The following IKZF5 variants were observed in gnomAD, a reference collection of about 807,000 sequenced individuals.
The protein encoded by IKZF5 is zinc finger protein Pegasus.
In IKZF5, 4 loss-of-function variants were observed where a neutral mutation model predicts 30.7. The ratio of observed to expected loss-of-function variants is 0.13; its 90% confidence interval spans 0.06 to 0.30. The LOEUF (loss-of-function observed/expected upper bound fraction) is 0.30, where lower values mean the gene tolerates loss of function less well. Ranked by LOEUF, IKZF5 falls within the 10% of genes least tolerant of loss-of-function variation. IKZF5 has a pLI of 1.00. For missense variants in IKZF5, 348 were observed against 525.5 expected, an observed-to-expected ratio of 0.66 and a Z score of 3.30; for synonymous variants, 148 against 179.6, an observed-to-expected ratio of 0.82 and a Z score of 1.41.
Position 122,991,814 on chromosome 10 carries a change from T to C in IKZF5, c.*1966A>G, listed in dbSNP as rs892308497. ...TTAAAATGCACCTTCACAACATCCA[T>C]GGTCAGTTGTTAGAAAAAAATGCAT... is the stretch of plus-strand genomic sequence containing the variant. On this transcript the variant is annotated 3_prime_UTR_variant, in exon 5 of 5. Transcript: ENST00000368886. 6.6e-5 allele frequency: 10 copies of C among 152,168 alleles called. No homozygotes were observed. Among genetic ancestry groups the C allele is most frequent in the African/African-American group, 2.2e-4 (9 of 41,458 alleles). The allele number at this position is 152,168 out of a possible 1,614,324, so 9.4% of individuals were successfully genotyped here.
chr10:123,006,537 T>G (rs1212547834), intron 2 of IKZF5, among the ~76,000 whole-genome samples: 1 of 152,030 alleles, frequency 6.6e-6, no homozygotes, highest in Non-Finnish European at 1.5e-5. Context: ...TCCTTCTTCC[T>G]TCTATCTTTT....
At chr10:122,998,755 A>G (rs1849481363) in intron 2 of IKZF5, 84 bp from the exon 3 acceptor site, 1 of 649,748 alleles carries the variant, frequency 1.5e-6, no homozygotes, top group South Asian at 3.2e-5. Context: ...CACTATATAA[A>G]GCAAGAGAAA....
chr10:122,995,043 TAATG>T (rs1466685765), intron 4 of IKZF5: 4 of 243,860 alleles, frequency 1.6e-5, no homozygotes, highest in Non-Finnish European at 3.1e-5. Context: ...TCTTACATAA[TAATG>T]AGTTTATCAA....
Position 122,994,865 on chromosome 10 carries a change from G to A in IKZF5, c.317-142C>T. On this transcript the variant is annotated intron_variant, in intron 4 of 4. Coordinates refer to ENST00000368886, the MANE Select transcript of IKZF5 (RefSeq NM_001372123.1). The surrounding 1 kb of genome is among the most constrained non-coding windows in gnomAD (Gnocchi z 5.6). ...TCATATTTGCATAGCATATGAGATT[G>A]TTAAAATTTGTAAATAAACCCACAA... 3.1e-6 allele frequency: 2 copies of A among 653,612 alleles called. No homozygotes were observed. Among genetic ancestry groups the A allele is most frequent in the Non-Finnish European group, 5.1e-6 (2 of 393,056 alleles). 40.5% of individuals were successfully genotyped at this position (653,612 alleles called of 1,614,324 possible). A position where few individuals can be genotyped will look rare whatever the true frequency, so the allele number is the denominator to read the frequency against.
intron 2 of IKZF5, among the ~76,000 whole-genome samples, chr10:122,999,903 AT>A (rs1379569215): frequency 6.6e-6 from 1 of 152,236 alleles, no homozygotes; most frequent in Non-Finnish European, 1.5e-5. Context: ...AGGAAAAACA[AT>A]TTTTATGCAA....
chr10:122,994,363 G>A lies in IKZF5; in HGVS notation c.677C>T (p.Ser226Phe). 1 of 1,614,076 alleles carries A rather than the reference G, an allele frequency of 6.2e-7. No individual in the cohort carries two copies. The highest frequency in any genetic ancestry group is 1.1e-5 in the South Asian group (1 of 91,076). ...THEIPNIQTD[S>F]YESMAKTTPT... is the part of the protein sequence containing the mutation. ...TGTGGTTTTTGCCATACTTTCATAG[G>A]AGTCAGTCTGGATATTTGGGATTTC... Residue 226 changes from serine to phenylalanine, a missense_variant, in exon 5 of 5, where the codon TCC becomes TTC. Ser to Phe is a radical substitution (Grantham distance 155). Coordinates refer to ENST00000368886, the MANE Select transcript of IKZF5 (RefSeq NM_001372123.1). This position sits in a 1 kb window ranked among gnomAD's most constrained non-coding sequence, Gnocchi z 5.6.
intron 1 of IKZF5, among the ~76,000 whole-genome samples, chr10:123,008,172 G>A (rs1444632505): frequency 6.6e-6 from 1 of 152,172 alleles, no homozygotes; most frequent in African/African-American, 2.4e-5. Flanking sequence ...CAGTAGAGAC[G>A]GATCCGGGCA....
intron 2 of IKZF5, among the ~76,000 whole-genome samples, chr10:123,004,731 T>C (rs1849720614): frequency 6.6e-6 from 1 of 152,168 alleles, no homozygotes; most frequent in Non-Finnish European, 1.5e-5. Context: ...TTAGTATGCT[T>C]TATAACCTTA....
At chr10:123,002,187 T>C (rs566778720) in intron 2 of IKZF5, among the ~76,000 whole-genome samples, 8 of 152,326 alleles carry the variant, frequency 5.3e-5, no homozygotes, top group African/African-American at 1.9e-4. Flanking sequence ...GTTCCTTTCC[T>C]CCCTTTTTAG....
intron 3 of IKZF5, chr10:122,997,436 T>TC (rs1341883460): frequency 9.2e-5 from 14 of 152,266 alleles, no homozygotes; most frequent in Admixed American, 7.8e-4. Flanking sequence ...CCCACTGCTT[T>TC]CCCAAGCCAG....
At chr10:123,005,344 T>A (rs886502047) in intron 2 of IKZF5, among the ~76,000 whole-genome samples, 1 of 152,200 alleles carries the variant, frequency 6.6e-6, no homozygotes, top group Non-Finnish European at 1.5e-5. Context: ...TAACAAAATA[T>A]ACTTTAGAAA....
At chr10:122,998,816 C>A in intron 2 of IKZF5, 145 bp from the exon 3 acceptor site, 1 of 384,414 alleles carries the variant, frequency 2.6e-6, no homozygotes, top group Non-Finnish European at 4.6e-6. Context: ...GAACTAAAGA[C>A]ATACACAAAA....
chr10:123,006,376 G>GCA (rs1284316766), intron 2 of IKZF5, among the ~76,000 whole-genome samples: 1 of 151,942 alleles, frequency 6.6e-6, no homozygotes, highest in Non-Finnish European at 1.5e-5. Context: ...ATATATACAA[G>GCA]CACACACACA....
At position 122,996,196 on chromosome 10, in the gene IKZF5, A is replaced by G; in HGVS notation, c.134-20T>C. The G allele has an allele frequency of 1.9e-6, 3 of 1,602,114 alleles. No individual in the cohort carries two copies. Among genetic ancestry groups the G allele is most frequent in the Non-Finnish European group, 2.6e-6 (3 of 1,173,222 alleles). On this transcript the variant is annotated intron_variant, in intron 3 of 4. Transcript: ENST00000368886. ...TTCCAGCTATAAACAAAGTACCGCA[A>G]AAGAAATTATGCATCTCAGAATCAA...
At chr10:123,003,744 G>C (rs978763300) in intron 2 of IKZF5, among the ~76,000 whole-genome samples, 2 of 152,116 alleles carry the variant, frequency 1.3e-5, no homozygotes, top group Admixed American at 1.3e-4. Flanking sequence ...TCATCAACGT[G>C]GTTGAAAAAT....
rs766171984 is a variant in IKZF5 at position 122,998,478 on chromosome 10, T to G, written c.133+15A>C. The G allele has an allele frequency of 8.7e-6, 14 of 1,602,024 alleles. No individual in the cohort carries two copies. The African/African-American group carries it at 1.3e-4, about 15-fold the overall frequency. Reference sequence around the variant, plus strand: ...ATAAAAAGTGAATTACTTAGTAGTATTAAAATGAGTCTACCTCCCTGAAGA... The same window carrying G: ...ATAAAAAGTGAATTACTTAGTAGTAGTAAAATGAGTCTACCTCCCTGAAGA... On this transcript the variant is annotated intron_variant, in intron 3 of 4. Transcript: ENST00000368886.
chr10:123,001,667 T>C (rs1457580362), intron 2 of IKZF5, among the ~76,000 whole-genome samples: 1 of 152,220 alleles, frequency 6.6e-6, no homozygotes, highest in Non-Finnish European at 1.5e-5. Context: ...GCTTCTGGAT[T>C]CTCTGTTCTG....
chr10:123,008,377 G>A (rs561337513), intron 1 of IKZF5, among the ~76,000 whole-genome samples: 2 of 152,080 alleles, frequency 1.3e-5, no homozygotes, highest in Non-Finnish European at 2.9e-5. Context: ...GACGCCTCCC[G>A]CAGAACCACC....
Position 122,990,819 on chromosome 10 carries a change from C to CTTAT in IKZF5, c.*2957_*2960dup, listed in dbSNP as rs926850319. 6.7e-6 allele frequency: 1 copy of CTTAT among 149,796 alleles called. No individual in the cohort carries two copies. Among genetic ancestry groups the CTTAT allele is most frequent in the East Asian group, 1.9e-4 (1 of 5,150 alleles). The allele number at this position is 149,796 out of a possible 1,614,324, so 9.3% of individuals were successfully genotyped here. On this transcript the variant is annotated 3_prime_UTR_variant, in exon 5 of 5. Coordinates refer to ENST00000368886, the MANE Select transcript of IKZF5 (RefSeq NM_001372123.1). ...AGAAAAACCAAGGTCATTAGAAAGTCTTATTTATTTATTACAAAAGCAAAG... is the reference window on the plus strand; with the variant it reads ...AGAAAAACCAAGGTCATTAGAAAGTCTTATTTATTTATTTATTACAAAAGCAAAG...
Sources: gnomAD v4.1 joint callset for allele counts (sites outside exome capture counted in the v4.1 genomes callset) on GRCh38, gnomAD v4.1.1 for gene constraint, Gnocchi (gnomAD v3.1) non-coding constraint, MANE v1.5 for transcripts, NCBI Gene and HGNC (gene_info 2026-07-23, HGNC 2026-07-21) for gene names.